UBE4B: variants seen among roughly 807,000 people sequenced by gnomAD.
UBE4B encodes the protein ubiquitin conjugation factor E4 B.
A neutral mutation model predicts 148.1 loss-of-function variants in UBE4B; 27 were observed. The ratio of observed to expected loss-of-function variants is 0.18; its 90% CI spans 0.13 to 0.25. The LOEUF (loss-of-function observed/expected upper bound fraction) is 0.25, where lower values mean the gene tolerates loss of function less well. Among genes scored for constraint, UBE4B ranks in the 10% least tolerant of loss-of-function variants. The probability of loss-of-function intolerance (pLI) is 1.00; values close to 1 mark genes in which losing one functional copy is unlikely to be tolerated. For missense variants in UBE4B, 1,170 were observed against 1,662.4 expected (o/e 0.70, Z 5.15); for synonymous variants, 596 against 619.3 (o/e 0.96, Z 0.56).
intron 10 of UBE4B, among the ~76,000 whole-genome samples, chr1:10,125,252 G>A (rs1645474717): frequency 6.6e-6 from 1 of 152,208 alleles, no homozygotes; most frequent in Non-Finnish European, 1.5e-5. Context: ...AAAATTTGGA[G>A]ATTTTTCAGG....
At chr1:10,152,927 T>C (rs1465992753) in intron 21 of UBE4B, among the ~76,000 whole-genome samples, 3 of 151,414 alleles carry the variant, frequency 2.0e-5, no homozygotes, top group Non-Finnish European at 4.4e-5. Context: ...TGATGAGGGC[T>C]TGGACGGAGC....
intron 14 of UBE4B, 116 bp downstream of exon 14, chr1:10,130,929 C>A (rs984061137): frequency 2.4e-6 from 2 of 829,296 alleles, no homozygotes; most frequent in South Asian, 1.5e-5. Context: ...AAAGCCAATT[C>A]GATCTTACAT....
chr1:10,137,860 T>C (rs941214864), intron 17 of UBE4B, among the ~76,000 whole-genome samples: 2 of 151,780 alleles, frequency 1.3e-5, no homozygotes, highest in African/African-American at 4.8e-5. Flanking sequence ...AGTCTGTCTA[T>C]GAGAGAAACT....
intron 1 of UBE4B, among the ~76,000 whole-genome samples, chr1:10,067,952 T>G (rs1317873855): frequency 6.6e-6 from 1 of 151,922 alleles, no homozygotes; most frequent in Non-Finnish European, 1.5e-5. Flanking sequence ...ATGGTCTCGA[T>G]CTCCTGACCT....
intron 1 of UBE4B, among the ~76,000 whole-genome samples, chr1:10,041,394 G>A (rs1462103503): frequency 6.7e-6 from 1 of 149,662 alleles, no homozygotes; most frequent in Non-Finnish European, 1.5e-5. Flanking sequence ...GAGTGCAATG[G>A]CCTGATCTCG....
At chr1:10,147,166 T>C (rs1645888260) in intron 19 of UBE4B, 76 bp downstream of exon 19, 1 of 1,594,444 alleles carries the variant, frequency 6.3e-7, no homozygotes, top group South Asian at 1.1e-5. Context: ...TCAAAGTTGA[T>C]AACTAAAACC....
At position 10,044,614 on chromosome 1, in the gene UBE4B, G is replaced by A. The variant is rs149150733; in HGVS notation, c.24+10920G>A. ...CCTCCTTCCACCGCCCGCCTGTCTC[G>A]CTTTGTCACCCAGGCTAGAGTACAG... On this transcript the variant is annotated intron_variant, in intron 1 of 27. Transcript: ENST00000343090. 2.4e-4 allele frequency among the ~76,000 whole-genome samples: 36 copies of A among 149,636 alleles called. No homozygotes were observed. The East Asian group carries it at 6.7e-3, about 28-fold the overall frequency.
intron 1 of UBE4B, among the ~76,000 whole-genome samples, chr1:10,057,372 C>T (rs1448983905): frequency 6.6e-6 from 1 of 150,744 alleles, no homozygotes; most frequent in Non-Finnish European, 1.5e-5. Flanking sequence ...ATTAAAGGGT[C>T]GCAACCTTTT....
chr1:10,084,724 G>A (rs990650632), intron 2 of UBE4B, among the ~76,000 whole-genome samples: 2 of 141,476 alleles, frequency 1.4e-5, no homozygotes, highest in African/African-American at 5.3e-5. Context: ...TTGAGATGTC[G>A]TCTTGCTCAG....
At chr1:10,052,221 C>T (rs1416041481) in intron 1 of UBE4B, among the ~76,000 whole-genome samples, 1 of 152,026 alleles carries the variant, frequency 6.6e-6, no homozygotes, top group Non-Finnish European at 1.5e-5. Context: ...TGCATGCCAC[C>T]ATACCTGGCT....
intron 4 of UBE4B, among the ~76,000 whole-genome samples, chr1:10,102,432 A>G (rs1645030480): frequency 1.6e-5 from 1 of 63,118 alleles, no homozygotes; most frequent in South Asian, 4.5e-4. Context: ...TTTTTTTGAG[A>G]CAGGGCCTCA....
intron 3 of UBE4B, among the ~76,000 whole-genome samples, chr1:10,098,656 C>G (rs1044675050): frequency 4.6e-5 from 7 of 152,208 alleles, no homozygotes; most frequent in Non-Finnish European, 1.0e-4. Context: ...GCTTCACTCT[C>G]ATCAGACTTT....
chr1:10,042,370 C>T (rs1435325013), intron 1 of UBE4B, among the ~76,000 whole-genome samples: 1 of 152,130 alleles, frequency 6.6e-6, no homozygotes, highest in African/African-American at 2.4e-5. Flanking sequence ...CAAGCATGGC[C>T]GGGCGTGGTG....
chr1:10,144,520 GGTCAGGAGTTTGAGACCA>G (rs1424919067), intron 17 of UBE4B, among the ~76,000 whole-genome samples: 1 of 152,068 alleles, frequency 6.6e-6, no homozygotes, highest in Non-Finnish European at 1.5e-5. Flanking sequence ...CAGACCACAA[GGTCAGGAGTTTGAGACCA>G]GCCTGCCCAA....
chr1:10,066,535 A>C (rs1283716122), intron 1 of UBE4B, among the ~76,000 whole-genome samples: 1 of 152,120 alleles, frequency 6.6e-6, no homozygotes, highest in African/African-American at 2.4e-5. Flanking sequence ...GATTAGGCCT[A>C]CTGTGAAATT....
chr1:10,174,517 A>C (rs1255727403), intron 25 of UBE4B, among the ~76,000 whole-genome samples: 1 of 151,806 alleles, frequency 6.6e-6, no homozygotes, highest in Non-Finnish European at 1.5e-5. Context: ...CCTGGCTAAC[A>C]TGGTGAAACC....
intron 2 of UBE4B, among the ~76,000 whole-genome samples, chr1:10,093,905 T>C (rs573090700): frequency 8.6e-5 from 13 of 152,034 alleles, no homozygotes; most frequent in African/African-American, 2.4e-4. Context: ...ACATTGGCCA[T>C]GCTGGTCTCG....
intron 25 of UBE4B, among the ~76,000 whole-genome samples, chr1:10,174,048 G>A (rs1222766904): frequency 2.0e-5 from 3 of 152,204 alleles, no homozygotes; most frequent in African/African-American, 7.2e-5. Context: ...TTCTTCCAGA[G>A]TGGTGAAACA....
intron 21 of UBE4B, among the ~76,000 whole-genome samples, chr1:10,155,843 C>A (rs770145784): frequency 1.3e-5 from 2 of 152,028 alleles, no homozygotes; most frequent in Non-Finnish European, 2.9e-5. Flanking sequence ...GCCAACATGG[C>A]GAAACCCTGT....
Sources: gnomAD v4.1 joint callset for allele counts (sites outside exome capture counted in the v4.1 genomes callset) on GRCh38, gnomAD v4.1.1 for gene constraint, MANE v1.5 for transcripts, NCBI Gene and HGNC (gene_info 2026-07-23, HGNC 2026-07-21) for gene names.